The following PSMA8 variants were observed in gnomAD, a reference collection of about 807,000 sequenced individuals.
PSMA8 encodes the protein proteasome 20S subunit alpha 8, also known as proteasome subunit alpha-type 8.
In PSMA8, 18 loss-of-function variants were observed where a neutral mutation model predicts 32.4. The observed-to-expected ratio is 0.56, with a 90% CI of 0.38 to 0.82. The LOEUF (loss-of-function observed/expected upper bound fraction) is 0.82. Ranked by LOEUF, PSMA8 falls within the 40% of genes least tolerant of loss-of-function variation. The probability of loss-of-function intolerance (pLI) is 0.00; values close to 1 mark genes in which losing one functional copy is unlikely to be tolerated. For synonymous variants in PSMA8, 104 were observed against 98.1 expected, an observed-to-expected ratio of 1.06 and a Z score of -0.36; for missense variants, 298 against 300.7, an observed-to-expected ratio of 0.99 and a Z score of 0.07.
intron 2 of PSMA8, among the ~76,000 whole-genome samples, chr18:26,150,919 T>G (rs905883407): frequency 2.6e-5 from 4 of 152,176 alleles, no homozygotes; most frequent in African/African-American, 9.7e-5. Flanking sequence ...TCAAATTGAG[T>G]GATGTTTTCA....
intron 4 of PSMA8, among the ~76,000 whole-genome samples, chr18:26,178,013 A>T (rs2055277408): frequency 6.6e-6 from 1 of 152,186 alleles, no homozygotes; most frequent in South Asian, 2.1e-4. Flanking sequence ...CAGGAGTTCG[A>T]GACCCACCTG....
At chr18:26,149,958 CAGA>C (rs1405273541) in intron 2 of PSMA8, among the ~76,000 whole-genome samples, 1 of 152,136 alleles carries the variant, frequency 6.6e-6, no homozygotes, top group Non-Finnish European at 1.5e-5. Context: ...CACTTAATAG[CAGA>C]AGTTTTACAT....
rs940244321 is a variant in PSMA8, at chr18:26,184,469, A to G, written c.660+5339A>G. Reference sequence around the variant, plus strand: ...CTATTCCTTCTCACCTGGTTTTTGAAGATCTATTAGAAGTTGTTTTTGGCC... The same window carrying G: ...CTATTCCTTCTCACCTGGTTTTTGAGGATCTATTAGAAGTTGTTTTTGGCC... On this transcript the variant is annotated intron_variant, in intron 6 of 6. Coordinates refer to ENST00000415576, the MANE Select transcript of PSMA8 (RefSeq NM_001025096.2). Among the ~76,000 whole-genome samples, 6 of 150,454 alleles carry G rather than the reference A, an allele frequency of 4.0e-5. 1 individual carries two copies. Among genetic ancestry groups the G allele is most frequent in the Non-Finnish European group, 7.4e-5 (5 of 67,708 alleles).
At chr18:26,168,488 G>GTTTTTTTTTTTTTTTTTT (rs774062151) in intron 4 of PSMA8, among the ~76,000 whole-genome samples, 1 of 67,686 alleles carries the variant, frequency 1.5e-5, no homozygotes, top group Non-Finnish European at 2.7e-5. Context: ...CTTTCCCCTT[G>GTTTTTTTTTTTTTTTTTT]TTTTTTTTTT....
intron 4 of PSMA8, among the ~76,000 whole-genome samples, chr18:26,175,194 T>C (rs4800723): frequency 0.26 from 39,370 of 152,076 alleles, 9,083 homozygotes; most frequent in African/African-American, 0.62. Context: ...AGATTTACTC[T>C]GGAAGTTAGC....
In PSMA8 at chr18:26,133,929, C is replaced by T; in HGVS notation, c.-37C>T. On this transcript the variant is annotated 5_prime_UTR_variant, in exon 1 of 7. Coordinates refer to ENST00000415576, the MANE Select transcript of PSMA8 (RefSeq NM_001025096.2). ...TCCCCGCTTGCCTCAGCTGCAGCAGCGGGAAGCTCGGTGGCAAGCCCTTGT... is the reference window on the plus strand; with the variant it reads ...TCCCCGCTTGCCTCAGCTGCAGCAGTGGGAAGCTCGGTGGCAAGCCCTTGT... The T allele has an allele frequency of 6.4e-7, 1 of 1,552,360 alleles. No homozygotes were observed. The highest frequency in any genetic ancestry group is 8.9e-7 in the Non-Finnish European group (1 of 1,125,556).
chr18:26,145,069 C>T (rs2054991625), intron 2 of PSMA8, among the ~76,000 whole-genome samples: 1 of 152,168 alleles, frequency 6.6e-6, no homozygotes, highest in South Asian at 2.1e-4. Context: ...GCCAGTTTTA[C>T]ATGCATTCAC....
intron 1 of PSMA8, among the ~76,000 whole-genome samples, chr18:26,142,037 A>ATTT (rs71169819): frequency 0.015 from 1,722 of 117,542 alleles, 113 homozygotes; most frequent in African/African-American, 0.054. Context: ...AATAATGCTA[A>ATTT]TTTTTTTTTT....
At chr18:26,134,343 GTGTGTGTGT>G (rs2054892271) in intron 1 of PSMA8, among the ~76,000 whole-genome samples, 2 of 141,754 alleles carry the variant, frequency 1.4e-5, no homozygotes, top group East Asian at 4.0e-4. Flanking sequence ...GTGTGTGGGT[GTGTGTGTGT>G]GTGTGTGTGT....
rs1020495686 is a variant in PSMA8 at position 26,144,542 on chromosome 18, T to C, written c.103-17T>C. The C allele has an allele frequency of 3.7e-6, 6 of 1,606,312 alleles. No homozygotes were observed. The highest frequency in any genetic ancestry group is 5.1e-6 in the Non-Finnish European group (6 of 1,173,506). The stretch of plus-strand genomic sequence containing the variant: ...AAACTGACATCTGAATATATATGTA[T>C]TTTAATGACTTGACAGGTCGGAATT... On this transcript the variant is annotated splice_polypyrimidine_tract_variant and intron_variant, in intron 1 of 6. Transcript: ENST00000415576.
chr18:26,174,588 C>T (rs747999832), intron 4 of PSMA8, among the ~76,000 whole-genome samples: 67 of 152,132 alleles, frequency 4.4e-4, no homozygotes, highest in Non-Finnish European at 7.6e-4. Flanking sequence ...TTTAAGGAGA[C>T]CCACCTGCAT....
chr18:26,163,121 T>A (rs910522796), intron 4 of PSMA8, among the ~76,000 whole-genome samples: 2 of 149,128 alleles, frequency 1.3e-5, no homozygotes, highest in African/African-American at 4.9e-5. Context: ...ACTCAACAGA[T>A]GAAAATTCCT....
At chr18:26,189,751 CATAAA>C (rs958849623) in intron 6 of PSMA8, among the ~76,000 whole-genome samples, 9 of 152,188 alleles carry the variant, frequency 5.9e-5, no homozygotes, top group Non-Finnish European at 1.3e-4. Context: ...CCTCAAAAAA[CATAAA>C]ATAAAAGTAC....
At position 26,134,085 on chromosome 18, in the gene PSMA8, ACCGGACTATTC is replaced by A; in HGVS notation, c.102+21_102+31del. The A allele has an allele frequency of 6.3e-7, 1 of 1,581,202 alleles. No homozygotes were observed. The highest frequency in any genetic ancestry group is 1.1e-5 in the South Asian group (1 of 90,414). Reference sequence around the variant, plus strand: ...CCACCGCGGTGAGGAAGCAACTATTACCGGACTATTCCCCGCTCTGACCTGTCAGGCCATCG... The same window carrying A: ...CCACCGCGGTGAGGAAGCAACTATTACCCGCTCTGACCTGTCAGGCCATCG... On this transcript the variant is annotated intron_variant, in intron 1 of 6. Coordinates refer to ENST00000415576, the MANE Select transcript of PSMA8 (RefSeq NM_001025096.2).
At chr18:26,179,266 C>T in intron 6 of PSMA8, 136 bp downstream of exon 6, 3 of 584,366 alleles carry the variant, frequency 5.1e-6, no homozygotes, top group Non-Finnish European at 8.7e-6. Flanking sequence ...TCATTTCTGA[C>T]CGTCTACCGG....
At position 26,137,606 on chromosome 18, in the gene PSMA8, T is replaced by A. The variant is rs186480173; in HGVS notation, c.102+3539T>A. On this transcript the variant is annotated intron_variant, in intron 1 of 6. Transcript: ENST00000415576. The stretch of plus-strand genomic sequence containing the variant: ...ACTATTCTTTGTTTTCTCTTTTTTT[T>A]AAATTTTGTCTGTGGTGCTTCTCAC... 1.1e-3 allele frequency among the ~76,000 whole-genome samples: 174 copies of A among 152,360 alleles called. No individual in the cohort carries two copies. The East Asian group carries it at 0.016, about 14-fold the overall frequency.
intron 4 of PSMA8, among the ~76,000 whole-genome samples, chr18:26,176,353 A>G (rs1057392301): frequency 2.6e-5 from 4 of 152,190 alleles, no homozygotes; most frequent in South Asian, 2.1e-4. Context: ...CTAGTTACCA[A>G]AAAACAAACA....
At chr18:26,173,214 G>C (rs913670455) in intron 4 of PSMA8, among the ~76,000 whole-genome samples, 1 of 152,084 alleles carries the variant, frequency 6.6e-6, no homozygotes, top group Non-Finnish European at 1.5e-5. Flanking sequence ...TAACTCCTCC[G>C]TTGCTTTCCT....
chr18:26,148,943 C>T (rs1472034513), intron 2 of PSMA8, among the ~76,000 whole-genome samples: 1 of 152,168 alleles, frequency 6.6e-6, no homozygotes, highest in Non-Finnish European at 1.5e-5. Flanking sequence ...AACTCCAGGG[C>T]TCAAGCAACC....
Sources: gnomAD v4.1 joint callset for allele counts (sites outside exome capture counted in the v4.1 genomes callset) on GRCh38, gnomAD v4.1.1 for gene constraint, MANE v1.5 for transcripts, NCBI Gene and HGNC (gene_info 2026-07-23, HGNC 2026-07-21) for gene names.